Variants in LDLRAD3 observed in about 807,000 individuals in gnomAD.
The protein encoded by LDLRAD3 is low-density lipoprotein receptor class A domain-containing protein 3.
Under a neutral mutation model 29.4 loss-of-function variants are expected in LDLRAD3, and 20 were observed. That is an observed-to-expected ratio of 0.68 (90% CI 0.48 to 0.99). The LOEUF is 0.99. Ranked by LOEUF, LDLRAD3 falls within the 50% of genes least tolerant of loss-of-function variation. The pLI is 0.00. For synonymous variants in LDLRAD3, 157 were observed against 192.7 expected (o/e 0.81, Z 1.53); for missense variants, 420 against 454.3 (o/e 0.92, Z 0.69).
intron 4 of LDLRAD3, among the ~76,000 whole-genome samples, chr11:36,124,395 C>T (rs1853805070): frequency 6.6e-6 from 1 of 152,138 alleles, no homozygotes; most frequent in African/African-American, 2.4e-5. Flanking sequence ...AATAAAACAA[C>T]CCTATAAGGT....
chr11:36,100,181 T>C (rs1272622419), intron 4 of LDLRAD3, among the ~76,000 whole-genome samples: 2 of 152,160 alleles, frequency 1.3e-5, no homozygotes, highest in East Asian at 3.9e-4. Context: ...GTGATTCTAA[T>C]GCACACTGAA....
chr11:36,030,496 C>A (rs947338267), intron 1 of LDLRAD3, among the ~76,000 whole-genome samples: 3 of 150,830 alleles, frequency 2.0e-5, no homozygotes, highest in Non-Finnish European at 2.9e-5. Flanking sequence ...AAGACAGTCA[C>A]GGAAAACAGA....
At chr11:35,952,613 A>G (rs751484548) in intron 1 of LDLRAD3, among the ~76,000 whole-genome samples, 6 of 152,196 alleles carry the variant, frequency 3.9e-5, no homozygotes, top group Non-Finnish European at 7.3e-5. Flanking sequence ...GATAGAGATA[A>G]TTCTTCCCCC....
At chr11:36,101,885 C>CTTTT (rs397848318) in intron 4 of LDLRAD3, 114 of 224,462 alleles carry the variant, frequency 5.1e-4, no homozygotes, top group Middle Eastern at 1.8e-3. Context: ...CCACTGTCAT[C>CTTTT]TTTTTTTTTT....
chr11:36,119,852 T>C (rs953795795), intron 4 of LDLRAD3, among the ~76,000 whole-genome samples: 1 of 152,258 alleles, frequency 6.6e-6, no homozygotes, highest in Admixed American at 6.5e-5. Flanking sequence ...AACTCATCTA[T>C]TTTGTTGTTA....
chr11:36,181,053 A>G (rs1854754992), intron 4 of LDLRAD3, among the ~76,000 whole-genome samples: 1 of 152,028 alleles, frequency 6.6e-6, no homozygotes, highest in Non-Finnish European at 1.5e-5. Flanking sequence ...TGGGTAGCTG[A>G]TCTCGGGCAG....
intron 4 of LDLRAD3, among the ~76,000 whole-genome samples, chr11:36,173,493 A>G (rs917722201): frequency 6.6e-6 from 1 of 151,932 alleles, no homozygotes; most frequent in Non-Finnish European, 1.5e-5. Context: ...AGCTTCATCC[A>G]TGTCCCTACA....
chr11:36,087,523 T>C (rs541402195), intron 3 of LDLRAD3, among the ~76,000 whole-genome samples: 1 of 152,320 alleles, frequency 6.6e-6, no homozygotes, highest in African/African-American at 2.4e-5. Flanking sequence ...GTCTGAAATC[T>C]TCCATAATGA....
chr11:36,163,893 ATGAGCC>A (rs779212347), intron 4 of LDLRAD3, among the ~76,000 whole-genome samples: 1 of 152,242 alleles, frequency 6.6e-6, no homozygotes, highest in Non-Finnish European at 1.5e-5. Flanking sequence ...AGAGCACTGA[ATGAGCC>A]ACCTCAATTT....
chr11:36,146,742 T>A (rs1206708984), intron 4 of LDLRAD3, among the ~76,000 whole-genome samples: 1 of 113,412 alleles, frequency 8.8e-6, no homozygotes, highest in Non-Finnish European at 1.9e-5. Context: ...GTCCCAAGAT[T>A]TCTTGTCTCT....
At position 35,944,147 on chromosome 11, in the gene LDLRAD3, G is replaced by A; in HGVS notation, c.46+3G>A. On this transcript the variant is annotated splice_donor_region_variant and intron_variant, in intron 1 of 5. Transcript: ENST00000315571. The surrounding 1 kb of genome is among the most constrained non-coding windows in gnomAD (Gnocchi z 4.9). ...CCTGCTGCTGAGCAGCGCCGCGGGTGAGTCGGGGGGCGGCCGGCGAACTTC... is the reference window on the plus strand; with the variant it reads ...CCTGCTGCTGAGCAGCGCCGCGGGTAAGTCGGGGGGCGGCCGGCGAACTTC... 1.9e-6 allele frequency: 2 copies of A among 1,036,906 alleles called. No individual in the cohort carries two copies. Among genetic ancestry groups the A allele is most frequent in the Non-Finnish European group, 2.3e-6 (2 of 864,908 alleles). The allele number at this position is 1,036,906 out of a possible 1,614,324, so 64.2% of individuals were successfully genotyped here. A position where few individuals can be genotyped will look rare whatever the true frequency, so the allele number is the denominator to read the frequency against.
chr11:36,040,426 C>G (rs2133213944), intron 2 of LDLRAD3, among the ~76,000 whole-genome samples: 1 of 152,074 alleles, frequency 6.6e-6, no homozygotes, highest in African/African-American at 2.4e-5. Flanking sequence ...AGGCTTTTCC[C>G]CAGTGTAATC....
chr11:36,191,362 A>T (rs1334265907), intron 4 of LDLRAD3, among the ~76,000 whole-genome samples: 2 of 151,812 alleles, frequency 1.3e-5, no homozygotes, highest in African/African-American at 2.4e-5. Context: ...ACATACTGAG[A>T]CCCCATATCT....
intron 4 of LDLRAD3, among the ~76,000 whole-genome samples, chr11:36,211,790 G>T (rs939232824): frequency 6.6e-6 from 1 of 152,136 alleles, no homozygotes; most frequent in Admixed American, 6.5e-5. Context: ...AGTTTTTAGG[G>T]TTTGCTTTTC....
At chr11:35,970,159 A>G (rs1851394463) in intron 1 of LDLRAD3, among the ~76,000 whole-genome samples, 1 of 152,208 alleles carries the variant, frequency 6.6e-6, no homozygotes, top group Admixed American at 6.5e-5. Flanking sequence ...TAGGTGTCAC[A>G]GGTTAAATTG....
intron 2 of LDLRAD3, 58 bp from the exon 3 acceptor site, chr11:36,081,595 G>A (rs1292685553): frequency 1.2e-6 from 2 of 1,607,914 alleles, no homozygotes; most frequent in African/African-American, 1.3e-5. Flanking sequence ...AGTGGGATGA[G>A]TATGCAGTCA....
At chr11:36,132,931 C>T (rs752439712) in intron 4 of LDLRAD3, among the ~76,000 whole-genome samples, 28 of 152,260 alleles carry the variant, frequency 1.8e-4, no homozygotes, top group Non-Finnish European at 3.4e-4. Flanking sequence ...TTCCTCTCCC[C>T]AGCCTCAGTT....
At chr11:36,033,506 G>T (rs912383162) in intron 1 of LDLRAD3, among the ~76,000 whole-genome samples, 16 of 152,238 alleles carry the variant, frequency 1.1e-4, no homozygotes, top group African/African-American at 3.4e-4. Context: ...ATCAGAACAA[G>T]ATTTCACAGT....
chr11:35,960,247 G>A (rs1048833431), intron 1 of LDLRAD3, among the ~76,000 whole-genome samples: 2 of 151,952 alleles, frequency 1.3e-5, no homozygotes, highest in South Asian at 2.1e-4. Context: ...TTTTAGCTGC[G>A]GTAGAATATC....
Sources: gnomAD v4.1 joint callset for allele counts (sites outside exome capture counted in the v4.1 genomes callset) on GRCh38, gnomAD v4.1.1 for gene constraint, Gnocchi (gnomAD v3.1) non-coding constraint, MANE v1.5 for transcripts, NCBI Gene and HGNC (gene_info 2026-07-23, HGNC 2026-07-21) for gene names.